Variants in PSORS1C1 observed in about 807,000 individuals in gnomAD.
The protein encoded by PSORS1C1 is psoriasis susceptibility 1 candidate 1.
PSORS1C1 carries 7 observed loss-of-function variants against 9.4 expected under a neutral mutation model. The ratio of observed to expected loss-of-function variants is 0.75; its 90% CI spans 0.42 to 1.40. PSORS1C1 has a LOEUF of 1.40. PSORS1C1 is among the 40% of genes most tolerant of loss of function. PSORS1C1 has a pLI of 0.01. For synonymous variants in PSORS1C1, 63 were observed against 69.4 expected, an observed-to-expected ratio of 0.91 and a Z score of 0.46; for missense variants, 146 against 178.1, an observed-to-expected ratio of 0.82 and a Z score of 1.02.
At chr6:31,138,182 G>A (rs1156819386) in intron 3 of PSORS1C1, 3 of 1,582,276 alleles carry the variant, frequency 1.9e-6, no homozygotes, top group Non-Finnish European at 2.6e-6. Flanking sequence ...GATCTTCAAA[G>A]AGAGGGGGTG....
At chr6:31,122,818 C>T (rs1466742595) in intron 1 of PSORS1C1, among the ~76,000 whole-genome samples, 1 of 152,180 alleles carries the variant, frequency 6.6e-6, no homozygotes, top group Non-Finnish European at 1.5e-5. Context: ...AACATCATTT[C>T]CTCCTGTGGG....
At chr6:31,124,835 G>A (rs1772610238) in intron 1 of PSORS1C1, among the ~76,000 whole-genome samples, 1 of 152,188 alleles carries the variant, frequency 6.6e-6, no homozygotes, top group Admixed American at 6.5e-5. Context: ...GGGTGCGGGG[G>A]CAGGCACCTG....
chr6:31,126,215 G>T (rs757973428), intron 2 of PSORS1C1, among the ~76,000 whole-genome samples: 2 of 152,190 alleles, frequency 1.3e-5, no homozygotes, highest in African/African-American at 4.8e-5. Context: ...TATTGGATTA[G>T]CTCCTTTTAT....
At chr6:31,116,820 A>G (rs753665862) in intron 1 of PSORS1C1, 5 of 1,613,996 alleles carry the variant, frequency 3.1e-6, no homozygotes, top group Non-Finnish European at 4.2e-6. Flanking sequence ...GAACCACTCC[A>G]GGGGCACCAG....
chr6:31,117,681 T>C, intron 1 of PSORS1C1: 1 of 700,544 alleles, frequency 1.4e-6, no homozygotes, highest in Non-Finnish European at 2.5e-6. Context: ...AACTGGCTAT[T>C]GTCTCTAAAG....
At chr6:31,138,870 C>G (rs963774844) in intron 5 of PSORS1C1, 91 bp downstream of exon 5, 1 of 1,600,188 alleles carries the variant, frequency 6.2e-7, no homozygotes, top group African/African-American at 1.3e-5. Flanking sequence ...TTCTGCGTCC[C>G]CTGAATTCCT....
chr6:31,120,802 A>G lies in PSORS1C1; in HGVS notation c.-228-4874A>G, dbSNP rs3132546. On this transcript the variant is annotated intron_variant, in intron 1 of 5. Coordinates refer to ENST00000259881, the MANE Select transcript of PSORS1C1 (RefSeq NM_014068.3). ...GCTCCTTAACTCTCCTGCCTACCGT[A>G]GCTTGGCCTGTCTCTCCATCTGCCC... 0.78 allele frequency among the ~76,000 whole-genome samples: 118,710 copies of G among 151,684 alleles called. 47,083 individuals are homozygous for G. The highest frequency in any genetic ancestry group is 0.9 in the African/African-American group (37,141 of 41,380).
At chr6:31,131,070 C>T (rs1041998519) in intron 3 of PSORS1C1, among the ~76,000 whole-genome samples, 4 of 151,812 alleles carry the variant, frequency 2.6e-5, no homozygotes, top group African/African-American at 9.7e-5. Flanking sequence ...AGGAGAGAGA[C>T]TTTCAGATAT....
chr6:31,125,288 C>CCA, intron 1 of PSORS1C1, among the ~76,000 whole-genome samples: 1 of 152,062 alleles, frequency 6.6e-6, no homozygotes, highest in East Asian at 2.0e-4. Flanking sequence ...AGCGAGAGGC[C>CCA]GTTTCCTCTC....
rs1308891884 is a variant in PSORS1C1 at position 31,128,593 on chromosome 6, A to C, written c.-64-976A>C. On this transcript the variant is annotated intron_variant, in intron 2 of 5. Transcript: ENST00000259881. The surrounding 1 kb of genome is among the most constrained non-coding windows in gnomAD (Gnocchi z 4.3). ...TGCCTCTGAGGATATTAGGGGGAAA[A>C]ACCCACAGGAGGTGCATTTGGCTTA... is the stretch of plus-strand genomic sequence containing the variant. Among the ~76,000 whole-genome samples the C allele has an allele frequency of 6.6e-6, 1 of 152,132 alleles. No homozygotes were observed. Among genetic ancestry groups the C allele is most frequent in the Non-Finnish European group, 1.5e-5 (1 of 68,022 alleles).
chr6:31,137,272 C>T (rs1310529780), intron 3 of PSORS1C1, among the ~76,000 whole-genome samples: 4 of 151,868 alleles, frequency 2.6e-5, no homozygotes, highest in African/African-American at 2.4e-5. Context: ...CTGGCTAACA[C>T]GGTGAAACCC....
intron 3 of PSORS1C1, among the ~76,000 whole-genome samples, chr6:31,132,100 C>T (rs1772942449): frequency 2.0e-5 from 3 of 152,102 alleles, no homozygotes; most frequent in South Asian, 2.1e-4. Context: ...ATTAGCCAGA[C>T]GTGGTGGCAT....
intron 5 of PSORS1C1, 116 bp downstream of exon 5, chr6:31,138,895 G>C: frequency 1.3e-6 from 2 of 1,599,348 alleles, no homozygotes; most frequent in Non-Finnish European, 1.7e-6. Context: ...CCAACCCCAT[G>C]CGTCCAGTTC....
chr6:31,135,923 G>A (rs1418329003), intron 3 of PSORS1C1, among the ~76,000 whole-genome samples: 2 of 152,014 alleles, frequency 1.3e-5, no homozygotes, highest in African/African-American at 4.8e-5. Context: ...GTCAGGGGTG[G>A]TGCACCTGTA....
chr6:31,120,576 G>C (rs984421863), intron 1 of PSORS1C1: 1 of 689,538 alleles, frequency 1.5e-6, no homozygotes, highest in African/African-American at 1.7e-5. Flanking sequence ...CGGGAGGAGC[G>C]TGGTAATCAG....
chr6:31,133,981 T>C (rs114552416), intron 3 of PSORS1C1, among the ~76,000 whole-genome samples: 147 of 152,268 alleles, frequency 9.7e-4, no homozygotes, highest in African/African-American at 2.7e-3. Context: ...TAGTTTTTTT[T>C]TGTTTTTTGT....
At position 31,116,412 on chromosome 6, in the gene PSORS1C1, A is replaced by C. The variant is rs753983435; in HGVS notation, c.-229+1521A>C. The C allele has an allele frequency of 1.2e-5, 19 of 1,593,534 alleles. No individual in the cohort carries two copies. The East Asian group carries it at 4.1e-4, about 34-fold the overall frequency. Reference sequence around the variant, plus strand: ...AACCGGAGCTGCTGGAAATGCTAGAACTGCTGGGGACTCGAGAACTGGAGG... The same window carrying C: ...AACCGGAGCTGCTGGAAATGCTAGACCTGCTGGGGACTCGAGAACTGGAGG... On this transcript the variant is annotated intron_variant, in intron 1 of 5. Coordinates refer to ENST00000259881, the MANE Select transcript of PSORS1C1 (RefSeq NM_014068.3).
intron 1 of PSORS1C1, chr6:31,116,946 G>C (rs117764398): frequency 1.9e-6 from 3 of 1,614,170 alleles, no homozygotes; most frequent in Non-Finnish European, 2.5e-6. Flanking sequence ...AGGGAGAGTC[G>C]GGGATGTCCG....
chr6:31,129,502 G>C, intron 2 of PSORS1C1, 67 bp from the exon 3 acceptor site: 1 of 731,248 alleles, frequency 1.4e-6, no homozygotes, highest in South Asian at 1.5e-5. Flanking sequence ...CTATTAATAG[G>C]TACTAAAATC....
Sources: allele counts gnomAD v4.1 joint callset (sites outside exome capture counted in the v4.1 genomes callset), GRCh38; gene constraint gnomAD v4.1.1; non-coding constraint Gnocchi (gnomAD v3.1); transcripts MANE v1.5; gene names NCBI Gene and HGNC (gene_info 2026-07-23, HGNC 2026-07-21).